The following NEK7 variants were observed in gnomAD, a reference collection of about 807,000 sequenced individuals.
The protein encoded by NEK7 is serine/threonine-protein kinase Nek7.
Under a neutral mutation model 44.6 loss-of-function variants are expected in NEK7, and 18 were observed. The ratio of observed to expected loss-of-function variants is 0.40; its 90% CI spans 0.28 to 0.60. The LOEUF (loss-of-function observed/expected upper bound fraction) is 0.60. Among genes scored for constraint, NEK7 ranks in the 20% least tolerant of loss-of-function variants. The pLI, the probability that NEK7 is intolerant of heterozygous loss-of-function variation, is 0.38. For synonymous variants in NEK7, 130 were observed against 121.1 expected (o/e 1.07, Z -0.48); for missense variants, 256 against 366.5 (o/e 0.70, Z 2.46).
At chr1:198,164,719 G>A (rs1186785765) in intron 1 of NEK7, among the ~76,000 whole-genome samples, 3 of 152,160 alleles carry the variant, frequency 2.0e-5, no homozygotes, top group African/African-American at 7.2e-5. Flanking sequence ...AATGTTGATG[G>A]CTGCTAAATG....
chr1:198,192,512 G>A (rs1178947605), intron 1 of NEK7, among the ~76,000 whole-genome samples: 1 of 152,046 alleles, frequency 6.6e-6, no homozygotes, highest in Non-Finnish European at 1.5e-5. Context: ...CAGGTAGATG[G>A]TGGTATTTAC....
At chr1:198,252,688 G>T (rs12048744) in intron 2 of NEK7, among the ~76,000 whole-genome samples, 9 of 148,214 alleles carry the variant, frequency 6.1e-5, no homozygotes, top group East Asian at 4.0e-4. Context: ...GTATGTTTAT[G>T]TATTAAAACA....
intron 1 of NEK7, chr1:198,198,126 G>A: frequency 1.0e-6 from 1 of 959,286 alleles, no homozygotes; most frequent in Non-Finnish European, 1.6e-6. Flanking sequence ...GAACCTCCAG[G>A]GTACCCTATG....
At chr1:198,254,789 A>G (rs1395275488) in intron 3 of NEK7, among the ~76,000 whole-genome samples, 3 of 152,288 alleles carry the variant, frequency 2.0e-5, no homozygotes, top group South Asian at 2.1e-4. Context: ...CCAGCAGCAT[A>G]TAAGAATTGC....
At chr1:198,297,971 A>C (rs1654762861) in intron 9 of NEK7, among the ~76,000 whole-genome samples, 1 of 152,190 alleles carries the variant, frequency 6.6e-6, no homozygotes, top group African/African-American at 2.4e-5. Context: ...CCAGTCTTTC[A>C]TTGAACAAAA....
chr1:198,314,848 G>A (rs1236204876), intron 9 of NEK7, among the ~76,000 whole-genome samples: 1 of 152,206 alleles, frequency 6.6e-6, no homozygotes, highest in East Asian at 1.9e-4. Context: ...CTGTCAGACA[G>A]GGACATTTAA....
At chr1:198,202,538 C>T (rs1327536524) in intron 1 of NEK7, among the ~76,000 whole-genome samples, 2 of 152,142 alleles carry the variant, frequency 1.3e-5, no homozygotes, top group South Asian at 2.1e-4. Flanking sequence ...ACAGTGGCTA[C>T]GCTGGTGCTG....
At chr1:198,219,527 G>A in intron 1 of NEK7, among the ~76,000 whole-genome samples, 1 of 147,256 alleles carries the variant, frequency 6.8e-6, no homozygotes, top group African/African-American at 2.5e-5. Context: ...CATACAGTGT[G>A]AGTTAATGGA....
At chr1:198,184,453 A>T (rs964068666) in intron 1 of NEK7, among the ~76,000 whole-genome samples, 1 of 152,196 alleles carries the variant, frequency 6.6e-6, no homozygotes, top group African/African-American at 2.4e-5. Context: ...TTTAATTTTA[A>T]ATAGTCAAAC....
intron 2 of NEK7, among the ~76,000 whole-genome samples, chr1:198,236,587 C>T (rs1401624272): frequency 6.6e-6 from 1 of 152,148 alleles, no homozygotes; most frequent in Non-Finnish European, 1.5e-5. Flanking sequence ...TAAGCTGATG[C>T]CCTTGCTCCT....
At chr1:198,168,802 A>G (rs994029551) in intron 1 of NEK7, among the ~76,000 whole-genome samples, 1 of 152,214 alleles carries the variant, frequency 6.6e-6, no homozygotes, top group African/African-American at 2.4e-5. Context: ...AAATGATTAC[A>G]ATTAAAAAAG....
chr1:198,249,288 CATT>C (rs891998834), intron 2 of NEK7, among the ~76,000 whole-genome samples: 17 of 143,182 alleles, frequency 1.2e-4, no homozygotes, highest in African/African-American at 4.7e-4. Flanking sequence ...TCCAGTCTAT[CATT>C]GTTGGACATT....
intron 5 of NEK7, among the ~76,000 whole-genome samples, chr1:198,266,969 C>T (rs1653674032): frequency 1.3e-5 from 2 of 152,080 alleles, no homozygotes; most frequent in African/African-American, 4.8e-5. Flanking sequence ...TAGACAGGAG[C>T]ACCCTCACCT....
intron 7 of NEK7, among the ~76,000 whole-genome samples, chr1:198,282,813 A>G (rs1330228346): frequency 1.3e-5 from 2 of 152,144 alleles, no homozygotes; most frequent in African/African-American, 4.8e-5. Flanking sequence ...TACCTGTTAT[A>G]TGCAGGTGCT....
rs1025150038 is a variant in NEK7 at position 198,166,914 on chromosome 1, C to A, written c.-29+9638C>A. Among the ~76,000 whole-genome samples the A allele has an allele frequency of 1.4e-4, 22 of 152,346 alleles. No homozygotes were observed. In the Middle Eastern group the frequency reaches 0.014, roughly 94 times the overall value. On this transcript the variant is annotated intron_variant, in intron 1 of 9. Transcript: ENST00000367385. ...CCACAAACCTTCAGTTTATAAAAAA[C>A]ACAATGTGTGAAGCACAATAAAATG... is the stretch of plus-strand genomic sequence containing the variant.
chr1:198,223,692 T>C (rs1666133694), intron 1 of NEK7, among the ~76,000 whole-genome samples: 1 of 152,160 alleles, frequency 6.6e-6, no homozygotes, highest in Admixed American at 6.6e-5. Flanking sequence ...CATTACTTGT[T>C]GTTAATGATA....
Position 198,204,236 on chromosome 1 carries a change from T to C in NEK7, c.-28-28317T>C, listed in dbSNP as rs975263646. On this transcript the variant is annotated intron_variant, in intron 1 of 9. Transcript: ENST00000367385. The stretch of plus-strand genomic sequence containing the variant: ...GATTGCACCACTGCACTCCAGCCCG[T>C]GTGACAGAGTAAGAGTCTGATACAA... Among the ~76,000 whole-genome samples, 6 of 151,694 alleles carry C rather than the reference T, an allele frequency of 4.0e-5. 1 individual carries two copies. The highest frequency in any genetic ancestry group is 3.9e-4 in the Admixed American group (6 of 15,242).
At position 198,195,348 on chromosome 1, in the gene NEK7, A is replaced by G. The variant is rs1466324749; in HGVS notation, c.-28-37205A>G. ...TCAACCCTTGACTCTCCACAAGAGT[A>G]TACATACTGTTCTGTCATTTACACA... is the stretch of plus-strand genomic sequence containing the variant. On this transcript the variant is annotated intron_variant, in intron 1 of 9. Coordinates refer to ENST00000367385, the MANE Select transcript of NEK7 (RefSeq NM_133494.3). Among the ~76,000 whole-genome samples, 4 of 152,196 alleles carry G rather than the reference A, an allele frequency of 2.6e-5. No individual in the cohort carries two copies. The East Asian group carries it at 5.8e-4, about 22-fold the overall frequency.
At chr1:198,233,863 T>C (rs1374263019) in intron 2 of NEK7, among the ~76,000 whole-genome samples, 1 of 151,912 alleles carries the variant, frequency 6.6e-6, no homozygotes, top group Non-Finnish European at 1.5e-5. Context: ...ATTTTGATTT[T>C]GTACCCTCCA....
Sources: allele counts gnomAD v4.1 joint callset (sites outside exome capture counted in the v4.1 genomes callset), GRCh38; gene constraint gnomAD v4.1.1; transcripts MANE v1.5; gene names NCBI Gene and HGNC (gene_info 2026-07-23, HGNC 2026-07-21).